Variants in SCOC observed in about 807,000 individuals in gnomAD.
The protein encoded by SCOC is short coiled coil protein.
SCOC carries 7 observed loss-of-function variants against 9.9 expected under a neutral mutation model. The ratio of observed to expected loss-of-function variants is 0.71; its 90% CI spans 0.40 to 1.33. The LOEUF (loss-of-function observed/expected upper bound fraction) is 1.33, where lower values mean the gene tolerates loss of function less well. Ranked by LOEUF, SCOC falls within the 40% of genes most tolerant of loss-of-function variation. The pLI is 0.01. For missense variants in SCOC, 66 were observed against 89.7 expected, an observed-to-expected ratio of 0.74 and a Z score of 1.07; for synonymous variants, 19 against 28.2, an observed-to-expected ratio of 0.67 and a Z score of 1.03.
intron 1 of SCOC, among the ~76,000 whole-genome samples, chr4:140,286,422 G>T (rs1343830882): frequency 6.6e-6 from 1 of 151,688 alleles, no homozygotes; most frequent in Non-Finnish European, 1.5e-5. Context: ...CATCTGGCTT[G>T]CGAACCCCAC....
chr4:140,258,390 A>G (rs1334130429), intron 1 of SCOC, among the ~76,000 whole-genome samples: 1 of 152,180 alleles, frequency 6.6e-6, no homozygotes, highest in Non-Finnish European at 1.5e-5. Context: ...TTCCAAATGT[A>G]TAGGAGACAT....
chr4:140,262,861 C>T (rs868738603), intron 1 of SCOC, among the ~76,000 whole-genome samples: 11 of 151,828 alleles, frequency 7.2e-5, no homozygotes, highest in African/African-American at 2.7e-4. Flanking sequence ...TTCAGAATTT[C>T]AAACAACCAG....
At chr4:140,327,230 C>T (rs546919578) in intron 1 of SCOC, among the ~76,000 whole-genome samples, 25 of 152,248 alleles carry the variant, frequency 1.6e-4, no homozygotes, top group African/African-American at 5.8e-4. Context: ...TACCTCTGTT[C>T]GAAGAGCGAG....
chr4:140,289,692 G>A (rs1356298479), intron 1 of SCOC, among the ~76,000 whole-genome samples: 1 of 152,194 alleles, frequency 6.6e-6, no homozygotes, highest in Non-Finnish European at 1.5e-5. Flanking sequence ...CCAACAGGTT[G>A]TGCATTCAAA....
intron 1 of SCOC, among the ~76,000 whole-genome samples, chr4:140,328,299 T>A (rs1189777984): frequency 2.0e-5 from 3 of 152,136 alleles, no homozygotes; most frequent in African/African-American, 7.2e-5. Context: ...GTCCTGAGCA[T>A]ACAACACTCA....
chr4:140,339,785 A>C (rs1726429814), upstream of SCOC, among the ~76,000 whole-genome samples: 3 of 152,364 alleles, frequency 2.0e-5, no homozygotes, highest in African/African-American at 4.8e-5. Flanking sequence ...GGCGATCATT[A>C]AAAAGTCAGG....
chr4:140,294,006 G>A (rs772276006), intron 1 of SCOC, among the ~76,000 whole-genome samples: 6 of 152,140 alleles, frequency 3.9e-5, no homozygotes, highest in Non-Finnish European at 5.9e-5. Flanking sequence ...TGCTAAGATG[G>A]AAAGAAGTTA....
At position 140,326,830 on chromosome 4, in the gene SCOC, G is replaced by A. The variant is rs1412568254; in HGVS notation, c.-18-16791G>A. 5.9e-5 allele frequency among the ~76,000 whole-genome samples: 9 copies of A among 152,326 alleles called. No individual in the cohort carries two copies. The South Asian group carries it at 1.7e-3, about 28-fold the overall frequency. ...TTAGACACAAAGAACTGGAGCCCCA[G>A]TAAAGCTCAATCTGATAACATTCAT... On this transcript the variant is annotated intron_variant, in intron 1 of 4. Transcript: ENST00000394205.
rs955635954 is a variant in SCOC at position 140,285,197 on chromosome 4, T to C, written c.-19+27787T>C. 1.3e-5 allele frequency: 6 copies of C among 456,782 alleles called. No homozygotes were observed. The Admixed American group carries it at 1.4e-4, about 11-fold the overall frequency. The allele number at this position is 456,782 out of a possible 1,614,324, so 28.3% of individuals were successfully genotyped here. On this transcript the variant is annotated intron_variant, in intron 1 of 4. Coordinates refer to the SCOC transcript ENST00000394205. ...GGTCTTACTCCAAAGTTGTGTTCGA[T>C]AGACATCCTGTTGTATTTCTTCCTC...
rs1728670340 is a variant in SCOC, at chr4:140,385,665, A to C, written c.*4561A>C. ...ATTTTGTGGTCCAAAGAAAAGCAAA[A>C]TAGATCTTTAGAATGTAAAGCCATT... On this transcript the variant is annotated 3_prime_UTR_variant, in exon 4 of 4. Coordinates refer to ENST00000608372, the MANE Select transcript of SCOC (RefSeq NM_001153484.2). The C allele has an allele frequency of 1.3e-5, 2 of 152,196 alleles. No individual in the cohort carries two copies. The highest frequency in any genetic ancestry group is 2.9e-5 in the Non-Finnish European group (2 of 68,036). The allele number at this position is 152,196 out of a possible 1,614,324, so 9.4% of individuals were successfully genotyped here.
upstream of SCOC, among the ~76,000 whole-genome samples, chr4:140,369,050 G>T (rs1185099298): frequency 2.0e-5 from 3 of 151,620 alleles, no homozygotes; most frequent in Non-Finnish European, 4.4e-5. Flanking sequence ...TGGAATTCTT[G>T]CTTGAAAAAA....
intron 1 of SCOC, among the ~76,000 whole-genome samples, chr4:140,262,946 A>T (rs1730663251): frequency 6.6e-6 from 1 of 152,040 alleles, no homozygotes; most frequent in South Asian, 2.1e-4. Flanking sequence ...CCATGATCCA[A>T]TCACCTCCTG....
At chr4:140,301,070 T>C (rs1731797050) in intron 1 of SCOC, among the ~76,000 whole-genome samples, 1 of 152,186 alleles carries the variant, frequency 6.6e-6, no homozygotes, top group Non-Finnish European at 1.5e-5. Flanking sequence ...TGTCAGCTCA[T>C]GGTCCCAGGA....
chr4:140,332,699 T>C (rs913047627), intron 1 of SCOC, among the ~76,000 whole-genome samples: 10 of 152,074 alleles, frequency 6.6e-5, no homozygotes, highest in African/African-American at 2.4e-4. Flanking sequence ...TGACTGATCT[T>C]TCTCTTACTC....
chr4:140,257,334 G>C (rs1388422373), exon 1 of SCOC: 4 of 152,130 alleles, frequency 2.6e-5, no homozygotes, highest in Non-Finnish European at 4.4e-5. Flanking sequence ...TCTTGCCTAT[G>C]ATAGGAACGA....
chr4:140,300,485 T>C (rs966398878), intron 1 of SCOC, among the ~76,000 whole-genome samples: 19 of 152,204 alleles, frequency 1.2e-4, no homozygotes, highest in Non-Finnish European at 2.9e-5. Context: ...ACGTGAGTCA[T>C]CAGCACTAAA....
At chr4:140,365,712 A>G (rs1158710616) in intron 2 of SCOC, among the ~76,000 whole-genome samples, 1 of 152,206 alleles carries the variant, frequency 6.6e-6, no homozygotes, top group East Asian at 1.9e-4. Flanking sequence ...AAGAAGATGA[A>G]GACTTTCATG....
intron 1 of SCOC, among the ~76,000 whole-genome samples, chr4:140,265,143 T>G (rs779304430): frequency 1.3e-5 from 2 of 152,226 alleles, no homozygotes; most frequent in African/African-American, 2.4e-5. Flanking sequence ...ATATTAATTT[T>G]ATTGAGGATA....
At chr4:140,316,367 A>AG (rs996687226) in intron 1 of SCOC, among the ~76,000 whole-genome samples, 1 of 135,026 alleles carries the variant, frequency 7.4e-6, no homozygotes, top group African/African-American at 3.2e-5. Flanking sequence ...ATTCACAAAC[A>AG]TACCCATTCT....
Sources: gnomAD v4.1 joint callset for allele counts (sites outside exome capture counted in the v4.1 genomes callset) on GRCh38, gnomAD v4.1.1 for gene constraint, MANE v1.5 for transcripts, NCBI Gene and HGNC (gene_info 2026-07-23, HGNC 2026-07-21) for gene names.